ARHGAP20: variants seen among roughly 807,000 people sequenced by gnomAD.
The protein encoded by ARHGAP20 is rho GTPase-activating protein 20.
A neutral mutation model predicts 73.7 loss-of-function variants in ARHGAP20; 34 were observed. The observed-to-expected ratio is 0.46, with a 90% CI of 0.35 to 0.61. The LOEUF (loss-of-function observed/expected upper bound fraction) is 0.61, where lower values mean the gene tolerates loss of function less well. Ranked by LOEUF, ARHGAP20 falls within the 20% of genes least tolerant of loss-of-function variation. The pLI is 0.00. For synonymous variants in ARHGAP20, 523 were observed against 518.2 expected (o/e 1.01, Z -0.13); for missense variants, 1,314 against 1,420.9 (o/e 0.92, Z 1.21).
chr11:110,612,904 C>T (rs1948401300), intron 6 of ARHGAP20, among the ~76,000 whole-genome samples: 1 of 152,232 alleles, frequency 6.6e-6, no homozygotes, highest in Non-Finnish European at 1.5e-5. Context: ...GAGCACTCAA[C>T]CCAGTGTCTG....
At chr11:110,696,300 G>T (rs1161329869) in intron 1 of ARHGAP20, among the ~76,000 whole-genome samples, 1 of 151,562 alleles carries the variant, frequency 6.6e-6, no homozygotes, top group Non-Finnish European at 1.5e-5. Context: ...AACTTTAGGT[G>T]GGTGAATTGT....
rs548349901 is a variant in ARHGAP20, at chr11:110,580,996, T to C, written c.1950A>G (p.Gln650=). The C allele has an allele frequency of 5.1e-5, 82 of 1,614,180 alleles. No homozygotes were observed. The highest frequency in any genetic ancestry group is 4.9e-4 in the Middle Eastern group (3 of 6,062). The part of the protein sequence containing the change: ...DLAHSKDEDV[Q]MKRPLESKPV... Reference sequence around the variant, plus strand: ...GCTTGGATTCAAGAGGCCGTTTCATTTGAACATCTTCATCTTTAGAATGGG... The same window carrying C: ...GCTTGGATTCAAGAGGCCGTTTCATCTGAACATCTTCATCTTTAGAATGGG... Residue 650 remains glutamine, a synonymous_variant, in exon 15 of 15, where the codon CAA becomes CAG. Transcript: ENST00000683387.
chr11:110,606,426 T>C, intron 9 of ARHGAP20, 135 bp downstream of exon 9: 1 of 975,174 alleles, frequency 1.0e-6, no homozygotes, highest in Admixed American at 2.4e-5. Flanking sequence ...CATCTTCTTC[T>C]AAAAGTCCAT....
upstream of ARHGAP20, chr11:110,712,896 C>T (rs908592082): frequency 3.3e-5 from 5 of 152,424 alleles, no homozygotes; most frequent in African/African-American, 1.2e-4. Context: ...AGGGAATCCC[C>T]CACCCCACCC....
intron 2 of ARHGAP20, among the ~76,000 whole-genome samples, chr11:110,689,555 A>G (rs1324284375): frequency 1.3e-5 from 2 of 152,218 alleles, no homozygotes. Flanking sequence ...TGACTATTCA[A>G]TTTCAACACA....
chr11:110,637,754 C>T (rs1265161077), intron 2 of ARHGAP20, among the ~76,000 whole-genome samples: 2 of 151,628 alleles, frequency 1.3e-5, no homozygotes, highest in Non-Finnish European at 2.9e-5. Context: ...TGCAGGAGCA[C>T]AAAAAAGCAA....
chr11:110,579,259 T>C lies in ARHGAP20; in HGVS notation c.*111A>G. 1 of 1,445,150 alleles carries C rather than the reference T, an allele frequency of 6.9e-7. No homozygotes were observed. The highest frequency in any genetic ancestry group is 1.7e-5 in the South Asian group (1 of 59,924). 89.5% of individuals were successfully genotyped at this position (1,445,150 alleles called of 1,614,324 possible). On this transcript the variant is annotated 3_prime_UTR_variant, in exon 15 of 15. Transcript: ENST00000683387. ...TCGTTGTCCTAAGTATTAGCAATGA[T>C]AATCCTTATGCTACCTCTCCCAGGT...
intron 2 of ARHGAP20, among the ~76,000 whole-genome samples, chr11:110,684,217 T>C (rs1950089561): frequency 6.6e-6 from 1 of 152,184 alleles, no homozygotes; most frequent in African/African-American, 2.4e-5. Flanking sequence ...GAGAGTATGA[T>C]GTGTTTAGAA....
At chr11:110,612,194 G>A (rs1010260172) in intron 6 of ARHGAP20, among the ~76,000 whole-genome samples, 4 of 151,916 alleles carry the variant, frequency 2.6e-5, no homozygotes, top group Middle Eastern at 3.4e-3. Flanking sequence ...CGAGGTGGGC[G>A]GGTCATGAGG....
chr11:110,636,805 A>G (rs1200472556), intron 2 of ARHGAP20, among the ~76,000 whole-genome samples: 1 of 151,962 alleles, frequency 6.6e-6, no homozygotes, highest in Non-Finnish European at 1.5e-5. Context: ...GTGTTTCTCA[A>G]TTTTATGACT....
intron 1 of ARHGAP20, among the ~76,000 whole-genome samples, chr11:110,700,024 T>C (rs1358501687): frequency 6.6e-6 from 1 of 152,048 alleles, no homozygotes; most frequent in Admixed American, 6.6e-5. Flanking sequence ...AACCTGTATG[T>C]AGGCTCTCAC....
chr11:110,683,842 T>C (rs1257617471), intron 2 of ARHGAP20, among the ~76,000 whole-genome samples: 3 of 152,186 alleles, frequency 2.0e-5, no homozygotes, highest in African/African-American at 7.2e-5. Flanking sequence ...CAAGTTCAAA[T>C]GCTGCAACTT....
At chr11:110,659,048 G>C (rs1443854685) in intron 2 of ARHGAP20, among the ~76,000 whole-genome samples, 1 of 151,462 alleles carries the variant, frequency 6.6e-6, no homozygotes, top group African/African-American at 2.4e-5. Context: ...ATAGCAGCAT[G>C]ATTTATAGTC....
chr11:110,691,746 C>T (rs1042168829), intron 1 of ARHGAP20, among the ~76,000 whole-genome samples: 1 of 152,160 alleles, frequency 6.6e-6, no homozygotes, highest in Admixed American at 6.5e-5. Context: ...AAATTATTGT[C>T]ACCACTGCTC....
intron 1 of ARHGAP20, chr11:110,711,606 G>C (rs1372413407): frequency 1.3e-6 from 2 of 1,485,490 alleles, no homozygotes; most frequent in Non-Finnish European, 1.8e-6. Context: ...GCCGCGCCTC[G>C]GCGGGCAGGT....
At position 110,636,201 on chromosome 11, in the gene ARHGAP20, G is replaced by A. The variant is rs180974801; in HGVS notation, c.189-5409C>T. ...ATTTCTGTCAAAACTATTCAACTCT[G>A]CCCTTGTATTGCAAAGTCAATCATA... On this transcript the variant is annotated intron_variant, in intron 2 of 14. Coordinates refer to ENST00000683387, the MANE Select transcript of ARHGAP20 (RefSeq NM_001384657.1). Among the ~76,000 whole-genome samples, 208 of 152,150 alleles carry A rather than the reference G, an allele frequency of 1.4e-3. 1 individual carries two copies. The highest frequency in any genetic ancestry group is 0.01 in the Middle Eastern group (3 of 294).
intron 9 of ARHGAP20, among the ~76,000 whole-genome samples, chr11:110,595,629 C>T (rs1435694255): frequency 2.0e-5 from 3 of 152,062 alleles, no homozygotes; most frequent in Non-Finnish European, 4.4e-5. Flanking sequence ...AACCACTGCC[C>T]AATGAAATAA....
At chr11:110,624,704 CA>C in intron 3 of ARHGAP20, among the ~76,000 whole-genome samples, 1 of 152,014 alleles carries the variant, frequency 6.6e-6, no homozygotes, top group East Asian at 1.9e-4. Context: ...TAATCATGGG[CA>C]AAGTGTCTTA....
intron 9 of ARHGAP20, among the ~76,000 whole-genome samples, chr11:110,597,388 GTTTAATATATATGTGAATATGTA>G (rs1947996039): frequency 6.6e-6 from 1 of 151,796 alleles, no homozygotes; most frequent in Admixed American, 6.6e-5. Context: ...GCAAATATGT[GTTTAATATATATGTGAATATGTA>G]TTTAATATAT....
Sources: gnomAD v4.1 joint callset for allele counts (sites outside exome capture counted in the v4.1 genomes callset) on GRCh38, gnomAD v4.1.1 for gene constraint, MANE v1.5 for transcripts, NCBI Gene and HGNC (gene_info 2026-07-23, HGNC 2026-07-21) for gene names.